The following COL24A1 variants were observed in gnomAD, a reference collection of about 807,000 sequenced individuals.
The protein encoded by COL24A1 is collagen alpha-1(XXIV) chain.
A neutral mutation model predicts 253.9 loss-of-function variants in COL24A1; 224 were observed. That is an observed-to-expected ratio of 0.88 (90% CI 0.79 to 0.99). The LOEUF (loss-of-function observed/expected upper bound fraction) is 0.99. Ranked by LOEUF, COL24A1 falls within the 50% of genes least tolerant of loss-of-function variation. The pLI is 0.00. For synonymous variants in COL24A1, 685 were observed against 673.7 expected (o/e 1.02, Z -0.26); for missense variants, 2,131 against 2,068.5 (o/e 1.03, Z -0.59).
chr1:85,798,172 G>A (rs933482427), intron 47 of COL24A1, among the ~76,000 whole-genome samples: 2 of 149,522 alleles, frequency 1.3e-5, no homozygotes, highest in Non-Finnish European at 3.0e-5. Flanking sequence ...ACTCCAGCCT[G>A]GGTGACAGAG....
At chr1:86,012,361 G>A (rs549106117) in intron 19 of COL24A1, among the ~76,000 whole-genome samples, 106 of 152,118 alleles carry the variant, frequency 7.0e-4, no homozygotes, top group African/African-American at 2.2e-3. Context: ...AGGCCGAGGT[G>A]GGCAGATCAC....
At chr1:85,943,827 G>A (rs969376381) in intron 24 of COL24A1, among the ~76,000 whole-genome samples, 3 of 152,158 alleles carry the variant, frequency 2.0e-5, no homozygotes, top group African/African-American at 7.2e-5. Context: ...TTCACACATA[G>A]CACCAATTTG....
Position 85,886,596 on chromosome 1 carries a change from C to T in COL24A1, c.2976+2964G>A, listed in dbSNP as rs188973843. On this transcript the variant is annotated intron_variant, in intron 32 of 59. Transcript: ENST00000370571. ...AGGAGAATCGCTTGAACCTGGGAGG[C>T]GGAGGTTGCAGTGAGCCAAGATTGC... 2.7e-3 allele frequency among the ~76,000 whole-genome samples: 407 copies of T among 151,606 alleles called. 1 individual carries two copies. Among genetic ancestry groups the T allele is most frequent in the African/African-American group, 8.2e-3 (341 of 41,378 alleles).
chr1:85,763,434 G>T (rs900748727), intron 53 of COL24A1, among the ~76,000 whole-genome samples: 1 of 150,420 alleles, frequency 6.6e-6, no homozygotes, highest in Non-Finnish European at 1.5e-5. Context: ...ATAAAATTAA[G>T]TAAGTAAAGT....
At chr1:86,032,171 C>A (rs1244909306) in intron 13 of COL24A1, among the ~76,000 whole-genome samples, 1 of 152,172 alleles carries the variant, frequency 6.6e-6, no homozygotes, top group Non-Finnish European at 1.5e-5. Flanking sequence ...CTAGCTTAAG[C>A]AGAGTCCCCT....
At chr1:85,786,287 C>G in intron 48 of COL24A1, 67 bp downstream of exon 48, 1 of 1,344,024 alleles carries the variant, frequency 7.4e-7, no homozygotes, top group Non-Finnish European at 1.0e-6. Flanking sequence ...TGTGATCTAG[C>G]CAATGAACTC....
At chr1:86,099,307 A>G (rs1008845021) in intron 5 of COL24A1, among the ~76,000 whole-genome samples, 4 of 152,192 alleles carry the variant, frequency 2.6e-5, no homozygotes, top group African/African-American at 7.2e-5. Context: ...AAGGTTTATA[A>G]TCAGTAGTTT....
rs531176536 is a variant in COL24A1, at chr1:86,115,228, G to T, written c.1545+97C>A. 33 of 1,219,902 alleles carry T rather than the reference G, an allele frequency of 2.7e-5. No homozygotes were observed. In the African/African-American group the frequency reaches 4.6e-4, roughly 17 times the overall value. The allele number at this position is 1,219,902 out of a possible 1,614,324, so 75.6% of individuals were successfully genotyped here. On this transcript the variant is annotated intron_variant, in intron 4 of 59. Transcript: ENST00000370571. ...GGACTAAGTTTGAAGATCCAGGCAG[G>T]TTTCCAAAGGAAGTACATACTGTAC...
At chr1:85,741,355 A>C (rs1664622556) in intron 57 of COL24A1, among the ~76,000 whole-genome samples, 1 of 152,152 alleles carries the variant, frequency 6.6e-6, no homozygotes, top group Admixed American at 6.5e-5. Flanking sequence ...AGTTCTAGGA[A>C]AATGTTATCT....
intron 53 of COL24A1, among the ~76,000 whole-genome samples, chr1:85,765,443 G>A (rs1667260496): frequency 1.3e-5 from 2 of 151,434 alleles, no homozygotes; most frequent in South Asian, 4.2e-4. Flanking sequence ...AGTGACTCAT[G>A]CCTGTAATTC....
chr1:85,740,848 G>T (rs144273982), intron 57 of COL24A1, among the ~76,000 whole-genome samples: 1 of 146,474 alleles, frequency 6.8e-6, no homozygotes, highest in Non-Finnish European at 1.5e-5. Flanking sequence ...GGTGGCTCAC[G>T]CCTGTAATCC....
At chr1:85,876,784 T>C (rs1681213624) in intron 33 of COL24A1, among the ~76,000 whole-genome samples, 1 of 152,196 alleles carries the variant, frequency 6.6e-6, no homozygotes, top group South Asian at 2.1e-4. Flanking sequence ...TTCCAAAATA[T>C]ATCCCAAATT....
intron 14 of COL24A1, among the ~76,000 whole-genome samples, chr1:86,024,690 G>A (rs1169808783): frequency 6.6e-6 from 1 of 152,122 alleles, no homozygotes; most frequent in Non-Finnish European, 1.5e-5. Flanking sequence ...AGGAAAACTT[G>A]TGCTTATGAT....
chr1:85,864,816 C>G (rs1384058960), intron 37 of COL24A1, among the ~76,000 whole-genome samples: 1 of 152,120 alleles, frequency 6.6e-6, no homozygotes, highest in African/African-American at 2.4e-5. Context: ...TAAAACAGGA[C>G]AATTTCATTT....
At chr1:85,874,352 C>T in intron 35 of COL24A1, among the ~76,000 whole-genome samples, 1 of 152,014 alleles carries the variant, frequency 6.6e-6, no homozygotes, top group East Asian at 1.9e-4. Flanking sequence ...TTGTGAATTT[C>T]TTCTTAATGC....
chr1:85,948,503 G>A (rs1373699249), intron 24 of COL24A1, among the ~76,000 whole-genome samples: 1 of 117,020 alleles, frequency 8.5e-6, no homozygotes, highest in Non-Finnish European at 1.6e-5. Context: ...CAGCCTGGGC[G>A]ACAGAGCGAG....
At chr1:85,745,660 A>C (rs143321140) in intron 55 of COL24A1, among the ~76,000 whole-genome samples, 154 bp from the exon 56 acceptor site, 7 of 152,232 alleles carry the variant, frequency 4.6e-5, no homozygotes, top group African/African-American at 1.4e-4. Context: ...AGATTTTGCA[A>C]ATATTGCCTG....
At chr1:85,920,152 T>G (rs1393767468) in intron 24 of COL24A1, among the ~76,000 whole-genome samples, 3 of 152,144 alleles carry the variant, frequency 2.0e-5, no homozygotes, top group African/African-American at 7.2e-5. Context: ...TGGAATAAGG[T>G]AAACGTATAT....
intron 12 of COL24A1, among the ~76,000 whole-genome samples, chr1:86,041,344 T>G (rs1699470017): frequency 6.6e-6 from 1 of 152,194 alleles, no homozygotes; most frequent in South Asian, 2.1e-4. Flanking sequence ...TTCTAGGTGT[T>G]GTTGAAAGCA....
Sources: allele counts gnomAD v4.1 joint callset (sites outside exome capture counted in the v4.1 genomes callset), GRCh38; gene constraint gnomAD v4.1.1; transcripts MANE v1.5; gene names NCBI Gene and HGNC (gene_info 2026-07-23, HGNC 2026-07-21).